GLYAT: variants seen among roughly 807,000 people sequenced by gnomAD.
GLYAT encodes glycine N-acyltransferase.
Under a neutral mutation model 22.8 loss-of-function variants are expected in GLYAT, and 25 were observed. The observed-to-expected ratio is 1.09, with a 90% CI of 0.80 to 1.53. The LOEUF (loss-of-function observed/expected upper bound fraction) is 1.53, where lower values mean the gene tolerates loss of function less well. GLYAT is among the 40% of genes most tolerant of loss of function. The pLI, the probability that GLYAT is intolerant of heterozygous loss-of-function variation, is 0.00. For missense variants in GLYAT, 411 were observed against 353.9 expected (o/e 1.16, Z -1.29); for synonymous variants, 140 against 122.7 (o/e 1.14, Z -0.93).
Position 58,731,942 on chromosome 11 carries a change from G to A in GLYAT, c.-123C>T, listed in dbSNP as rs530133532. The A allele has an allele frequency of 6.6e-6, 1 of 152,234 alleles. No homozygotes were observed. Among genetic ancestry groups the A allele is most frequent in the South Asian group, 2.1e-4 (1 of 4,822 alleles). 9.4% of individuals were successfully genotyped at this position (152,234 alleles called of 1,614,324 possible). A position where few individuals can be genotyped will look rare whatever the true frequency, so the allele number is the denominator to read the frequency against. On this transcript the variant is annotated 5_prime_UTR_variant, in exon 1 of 6. Transcript: ENST00000344743. ...AGCCAGTTCAGCAGAGTCTCGCAGA[G>A]TAAATTTTGATACACCACCTCCAGA...
intron 5 of GLYAT, 130 bp from the exon 6 acceptor site, chr11:58,710,298 C>A (rs1046312280): frequency 4.8e-5 from 67 of 1,402,910 alleles, no homozygotes; most frequent in Non-Finnish European, 6.2e-5. Flanking sequence ...TATAGATGAG[C>A]TTGTGATGAA....
At chr11:58,727,653 C>T (rs748617284) in intron 1 of GLYAT, among the ~76,000 whole-genome samples, 22 of 152,278 alleles carry the variant, frequency 1.4e-4, no homozygotes, top group Non-Finnish European at 2.6e-4. Flanking sequence ...GACAGAGAAC[C>T]TAAAACTGGT....
chr11:58,710,325 G>A lies in GLYAT; in HGVS notation c.489-157C>T, dbSNP rs935025542. 33 of 1,258,460 alleles carry A rather than the reference G, an allele frequency of 2.6e-5. No individual in the cohort carries two copies. In the African/African-American group the frequency reaches 4.7e-4, roughly 18 times the overall value. 78.0% of individuals were successfully genotyped at this position (1,258,460 alleles called of 1,614,324 possible). On this transcript the variant is annotated intron_variant, in intron 5 of 5. Coordinates refer to ENST00000344743, the MANE Select transcript of GLYAT (RefSeq NM_201648.3). ...TGTGATGAAAGAGGAACAGAGTGAA[G>A]GTCAGAGCTGTTGGAGGAAGAAAGC... is the stretch of plus-strand genomic sequence containing the variant.
chr11:58,713,124 GTGT>G (rs1456635952), intron 3 of GLYAT, among the ~76,000 whole-genome samples: 9 of 152,006 alleles, frequency 5.9e-5, no homozygotes, highest in African/African-American at 2.2e-4. Flanking sequence ...TTATTTCCAT[GTGT>G]TGAGAACATT....
Position 58,710,767 on chromosome 11 carries a change from CG to C in GLYAT, c.317-7del. ...ATTCAGGCTAGGCTGTGAACCTAGA[CG>C]GTATAATAAACAGAGATGAAATGGT... is the stretch of plus-strand genomic sequence containing the variant. On this transcript the variant is annotated splice_region_variant and splice_polypyrimidine_tract_variant and intron_variant, in intron 4 of 5. Coordinates refer to ENST00000344743, the MANE Select transcript of GLYAT (RefSeq NM_201648.3). 1 of 1,529,544 alleles carries C rather than the reference CG, an allele frequency of 6.5e-7. No individual in the cohort carries two copies. Among genetic ancestry groups the C allele is most frequent in the South Asian group, 1.1e-5 (1 of 89,298 alleles). The allele number at this position is 1,529,544 out of a possible 1,614,324, so 94.7% of individuals were successfully genotyped here.
intron 2 of GLYAT, among the ~76,000 whole-genome samples, chr11:58,722,246 T>A (rs1418911443): frequency 6.6e-6 from 1 of 151,986 alleles, no homozygotes; most frequent in Non-Finnish European, 1.5e-5. Context: ...CCACTCAGAA[T>A]GCTCCCATGG....
chr11:58,709,594 T>G lies in GLYAT; in HGVS notation c.*172A>C. 1.6e-6 allele frequency: 1 copy of G among 622,750 alleles called. No homozygotes were observed. Among genetic ancestry groups the G allele is most frequent in the East Asian group, 2.8e-5 (1 of 35,986 alleles). 38.6% of individuals were successfully genotyped at this position (622,750 alleles called of 1,614,324 possible). On this transcript the variant is annotated 3_prime_UTR_variant, in exon 6 of 6. Coordinates refer to ENST00000344743, the MANE Select transcript of GLYAT (RefSeq NM_201648.3). ...GGCCTGCTTCCCACTGAGAAACCTG[T>G]GAATGCAGGGACCATGGCGATGCTG... is the stretch of plus-strand genomic sequence containing the variant.
At chr11:58,730,459 A>G (rs1316049498) in intron 1 of GLYAT, among the ~76,000 whole-genome samples, 1 of 152,226 alleles carries the variant, frequency 6.6e-6, no homozygotes, top group Non-Finnish European at 1.5e-5. Context: ...TACATTCTGC[A>G]AATCAGACCT....
chr11:58,721,597 A>T (rs1041267979), intron 2 of GLYAT, among the ~76,000 whole-genome samples: 2 of 152,022 alleles, frequency 1.3e-5, no homozygotes, highest in African/African-American at 4.8e-5. Flanking sequence ...ACACACATAC[A>T]TCTTGGATGT....
In GLYAT at chr11:58,712,783, C is replaced by T; in HGVS notation, c.293G>A (p.Trp98Ter). ...EFLGSPELIN[W>*]KQHLQIQSSQ... Reference sequence around the variant, plus strand: ...ACTTTGAATCTGTAAATGCTGTTTCCAGTTGATGAGTTCTGGTGATCCAAG... The same window carrying T: ...ACTTTGAATCTGTAAATGCTGTTTCTAGTTGATGAGTTCTGGTGATCCAAG... Residue 98 changes from tryptophan (W) to a stop codon, truncating the protein, a stop_gained, in exon 4 of 6, where the codon TGG (tryptophan) becomes TAG (stop). Transcript: ENST00000344743. LOFTEE classifies it high-confidence loss of function. 2 of 1,612,958 alleles carry T rather than the reference C, an allele frequency of 1.2e-6. No individual in the cohort carries two copies. Among genetic ancestry groups the T allele is most frequent in the East Asian group, 2.2e-5 (1 of 44,838 alleles).
chr11:58,718,458 C>T (rs1856710139), intron 2 of GLYAT, among the ~76,000 whole-genome samples: 1 of 152,040 alleles, frequency 6.6e-6, no homozygotes, highest in African/African-American at 2.4e-5. Context: ...TACTCATTAA[C>T]ATTTTATCTC....
chr11:58,722,138 C>T (rs946476976), intron 2 of GLYAT, among the ~76,000 whole-genome samples: 23 of 152,146 alleles, frequency 1.5e-4, no homozygotes, highest in Admixed American at 4.6e-4. Flanking sequence ...AGGGGATGCT[C>T]ACAGACCTCA....
intron 5 of GLYAT, 140 bp downstream of exon 5, chr11:58,710,450 T>A: frequency 1.3e-6 from 1 of 789,096 alleles, no homozygotes; most frequent in Non-Finnish European, 2.1e-6. Flanking sequence ...AAACATGTTC[T>A]GAGTTACATT....
In GLYAT at chr11:58,712,889, G is replaced by A; in HGVS notation, c.190-3C>T. On this transcript the variant is annotated splice_polypyrimidine_tract_variant and splice_region_variant and intron_variant, in intron 3 of 5. Coordinates refer to ENST00000344743, the MANE Select transcript of GLYAT (RefSeq NM_201648.3). The stretch of plus-strand genomic sequence containing the variant: ...TGATCAAGGTCATCTGTCATATCCT[G>A]TTATCATTAGGAAAAAGGAAATAAA... 6.4e-7 allele frequency: 1 copy of A among 1,570,392 alleles called. No homozygotes were observed. The highest frequency in any genetic ancestry group is 8.7e-7 in the Non-Finnish European group (1 of 1,147,038).
chr11:58,730,876 G>A (rs1264508739), intron 1 of GLYAT, among the ~76,000 whole-genome samples: 2 of 152,236 alleles, frequency 1.3e-5, no homozygotes, highest in Admixed American at 1.3e-4. Flanking sequence ...CATAAAATAT[G>A]TTCCAACAGA....
At chr11:58,728,851 G>GAAGAAAGAAAGAAAGAAACA (rs1856837228) in intron 1 of GLYAT, 1 of 90,654 alleles carries the variant, frequency 1.1e-5, no homozygotes, top group Non-Finnish European at 2.3e-5. Flanking sequence ...AGGAAAGAAA[G>GAAGAAAGAAAGAAAGAAACA]AAGAAAGAAA....
intron 2 of GLYAT, among the ~76,000 whole-genome samples, chr11:58,719,558 C>T (rs769514216): frequency 4.6e-5 from 7 of 151,936 alleles, no homozygotes; most frequent in Non-Finnish European, 1.0e-4. Flanking sequence ...CTCTTACATG[C>T]CCAACTCCTC....
chr11:58,714,735 G>A (rs1856658450), intron 3 of GLYAT, among the ~76,000 whole-genome samples: 1 of 152,082 alleles, frequency 6.6e-6, no homozygotes, highest in African/African-American at 2.4e-5. Context: ...ATGTGAAGAA[G>A]GTCGTGTTTG....
chr11:58,713,051 A>G (rs536560318), intron 3 of GLYAT, among the ~76,000 whole-genome samples, 165 bp from the exon 4 acceptor site: 32 of 151,982 alleles, frequency 2.1e-4, no homozygotes, highest in Non-Finnish European at 1.3e-4. Flanking sequence ...AATGTGTAAT[A>G]TTTTGTTATG....
Sources: allele counts gnomAD v4.1 joint callset (sites outside exome capture counted in the v4.1 genomes callset), GRCh38; gene constraint gnomAD v4.1.1; transcripts MANE v1.5; gene names NCBI Gene and HGNC (gene_info 2026-07-23, HGNC 2026-07-21).